The following NMNAT2 variants were observed in gnomAD, a reference collection of about 807,000 sequenced individuals.
NMNAT2 encodes nicotinamide nucleotide adenylyltransferase 2, also known as nicotinamide/nicotinic acid mononucleotide adenylyltransferase 2.
NMNAT2 carries 11 observed loss-of-function variants against 41.6 expected under a neutral mutation model. The observed-to-expected ratio is 0.26, with a 90% CI of 0.17 to 0.44. The LOEUF is 0.44. Ranked by LOEUF, NMNAT2 falls within the 20% of genes least tolerant of loss-of-function variation. The probability of loss-of-function intolerance (pLI) is 1.00; values close to 1 mark genes in which losing one functional copy is unlikely to be tolerated. For synonymous variants in NMNAT2, 148 were observed against 151.2 expected, an observed-to-expected ratio of 0.98 and a Z score of 0.16; for missense variants, 288 against 407.7, an observed-to-expected ratio of 0.71 and a Z score of 2.53.
chr1:183,373,652 C>T (rs900103556), intron 1 of NMNAT2, among the ~76,000 whole-genome samples: 9 of 149,080 alleles, frequency 6.0e-5, no homozygotes, highest in African/African-American at 2.2e-4. Context: ...GAGTCTCACT[C>T]TGTTGCCCAG....
chr1:183,252,897 C>G (rs1362415054), intron 10 of NMNAT2, among the ~76,000 whole-genome samples, 154 bp from the exon 11 acceptor site: 1 of 152,226 alleles, frequency 6.6e-6, no homozygotes, highest in Non-Finnish European at 1.5e-5. Context: ...GCCTCCACAA[C>G]TCCTTCCCCA....
chr1:183,286,829 G>A, intron 4 of NMNAT2, 41 bp from the exon 5 acceptor site: 1 of 1,586,686 alleles, frequency 6.3e-7, no homozygotes, highest in Non-Finnish European at 8.6e-7. Context: ...ATGTGACTTT[G>A]AGAATCGTTT....
At chr1:183,272,844 T>A (rs532671644) in intron 8 of NMNAT2, among the ~76,000 whole-genome samples, 5 of 152,298 alleles carry the variant, frequency 3.3e-5, no homozygotes, top group African/African-American at 1.2e-4. Flanking sequence ...CTGAAGATAT[T>A]TGGAGAAGAT....
At chr1:183,262,384 T>G (rs982916372) in intron 8 of NMNAT2, among the ~76,000 whole-genome samples, 6 of 152,126 alleles carry the variant, frequency 3.9e-5, no homozygotes, top group African/African-American at 1.4e-4. Flanking sequence ...ATATCTGTAG[T>G]TTTTTCTCTC....
At chr1:183,258,739 C>A (rs989297584) in intron 10 of NMNAT2, among the ~76,000 whole-genome samples, 1 of 152,084 alleles carries the variant, frequency 6.6e-6, no homozygotes, top group Non-Finnish European at 1.5e-5. Context: ...ACTTGATGGA[C>A]CAGCTGGCAC....
Position 183,418,340 on chromosome 1 carries a change from G to A in NMNAT2, c.-73C>T. 5 of 1,453,904 alleles carry A rather than the reference G, an allele frequency of 3.4e-6. No individual in the cohort carries two copies. In the Admixed American group the frequency reaches 8.5e-5, roughly 25 times the overall value. The allele number at this position is 1,453,904 out of a possible 1,614,324, so 90.1% of individuals were successfully genotyped here. A position where few individuals can be genotyped will look rare whatever the true frequency, so the allele number is the denominator to read the frequency against. ...GTGTCTCGTTGTGTCTGCAGAGGGA[G>A]AAAGGAAGGCGAGGCTCCGGCGGTG... On this transcript the variant is annotated 5_prime_UTR_variant, in exon 1 of 11. Coordinates refer to ENST00000287713, the MANE Select transcript of NMNAT2 (RefSeq NM_015039.4).
At chr1:183,397,704 T>C (rs911878223) in intron 1 of NMNAT2, among the ~76,000 whole-genome samples, 3 of 152,140 alleles carry the variant, frequency 2.0e-5, no homozygotes, top group African/African-American at 7.2e-5. Flanking sequence ...AGACTAACAG[T>C]GGATCTCTCG....
chr1:183,333,606 GC>G (rs976968955), intron 1 of NMNAT2, among the ~76,000 whole-genome samples: 2 of 152,138 alleles, frequency 1.3e-5, no homozygotes, highest in Non-Finnish European at 2.9e-5. Flanking sequence ...GCCTCTAAAA[GC>G]AATGCAGCCC....
intron 1 of NMNAT2, among the ~76,000 whole-genome samples, chr1:183,377,460 G>A (rs1286679596): frequency 6.6e-6 from 1 of 152,038 alleles, no homozygotes; most frequent in Non-Finnish European, 1.5e-5. Flanking sequence ...GCAGAGTACA[G>A]ACATTGACAA....
chr1:183,355,979 A>G (rs1010781563), intron 1 of NMNAT2, among the ~76,000 whole-genome samples: 19 of 152,248 alleles, frequency 1.2e-4, no homozygotes, highest in African/African-American at 3.6e-4. Flanking sequence ...CCTCCTGCTC[A>G]AAAGCCAGAA....
chr1:183,332,231 G>A (rs1208395106), intron 1 of NMNAT2, among the ~76,000 whole-genome samples: 1 of 152,050 alleles, frequency 6.6e-6, no homozygotes. Context: ...AAGCCAGTGG[G>A]CCTTTTCTAG....
intron 10 of NMNAT2, among the ~76,000 whole-genome samples, chr1:183,258,064 C>T (rs927365461): frequency 7.9e-5 from 12 of 152,162 alleles, no homozygotes; most frequent in African/African-American, 2.7e-4. Context: ...TATGAATTCT[C>T]TTCCAGGGAT....
At chr1:183,269,497 CCAAA>C (rs1228678415) in intron 8 of NMNAT2, among the ~76,000 whole-genome samples, 1 of 152,234 alleles carries the variant, frequency 6.6e-6, no homozygotes, top group East Asian at 1.9e-4. Context: ...AGTTTCCCTC[CCAAA>C]CAGTGTTCTC....
chr1:183,405,112 T>C (rs1349065842), intron 1 of NMNAT2, among the ~76,000 whole-genome samples: 1 of 152,028 alleles, frequency 6.6e-6, no homozygotes, highest in Non-Finnish European at 1.5e-5. Context: ...CCCAGCTAGT[T>C]GGAAGGCTGA....
In NMNAT2 at chr1:183,250,568, T is replaced by C. The variant is rs1051441171; in HGVS notation, c.*2073A>G. ...TAGGGGTCAGGGAAACAATATGTTC[T>C]TGTCAGGCCCTACACCTGCTGGCTG... On this transcript the variant is annotated 3_prime_UTR_variant, in exon 11 of 11. Transcript: ENST00000287713. 6.6e-6 allele frequency: 1 copy of C among 152,628 alleles called. No individual in the cohort carries two copies. The highest frequency in any genetic ancestry group is 2.4e-5 in the African/African-American group (1 of 41,448). 9.5% of individuals were successfully genotyped at this position (152,628 alleles called of 1,614,324 possible). A position where few individuals can be genotyped will look rare whatever the true frequency, so the allele number is the denominator to read the frequency against.
In NMNAT2 at chr1:183,333,726, A is replaced by C. The variant is rs573310008; in HGVS notation, c.86-39933T>G. ...TTGTAACAGCAATAATAGGAAACGA[A>C]TACACTTTCTAAGCAGCTTGACTTG... On this transcript the variant is annotated intron_variant, in intron 1 of 10. Coordinates refer to ENST00000287713, the MANE Select transcript of NMNAT2 (RefSeq NM_015039.4). Among the ~76,000 whole-genome samples the C allele has an allele frequency of 9.3e-5, 14 of 151,100 alleles. No individual in the cohort carries two copies. The South Asian group carries it at 2.9e-3, about 31-fold the overall frequency.
chr1:183,314,845 C>T (rs1662206567), intron 1 of NMNAT2, among the ~76,000 whole-genome samples: 3 of 152,190 alleles, frequency 2.0e-5, no homozygotes, highest in African/African-American at 7.2e-5. Flanking sequence ...CACCACTGCA[C>T]TCAGGCCTGG....
At chr1:183,351,849 TG>T (rs1663052585) in intron 1 of NMNAT2, among the ~76,000 whole-genome samples, 1 of 152,138 alleles carries the variant, frequency 6.6e-6, no homozygotes, top group African/African-American at 2.4e-5. Context: ...GAGACTTGAA[TG>T]ATCAACTCAT....
At chr1:183,396,558 C>G (rs1405499394) in intron 1 of NMNAT2, among the ~76,000 whole-genome samples, 1 of 152,054 alleles carries the variant, frequency 6.6e-6, no homozygotes, top group African/African-American at 2.4e-5. Flanking sequence ...GTATATAACT[C>G]CAGTAAGCAC....
Sources: allele counts gnomAD v4.1 joint callset (sites outside exome capture counted in the v4.1 genomes callset), GRCh38; gene constraint gnomAD v4.1.1; transcripts MANE v1.5; gene names NCBI Gene and HGNC (gene_info 2026-07-23, HGNC 2026-07-21).